Variants in PDZRN4 observed in about 807,000 individuals in gnomAD.
The protein encoded by PDZRN4 is PDZ domain-containing RING finger protein 4.
A neutral mutation model predicts 99.0 loss-of-function variants in PDZRN4; 70 were observed. That is an observed-to-expected ratio of 0.71 (90% confidence interval 0.58 to 0.86). The LOEUF is 0.86. PDZRN4 is among the 40% of genes least tolerant of loss of function. The pLI is 0.00. For synonymous variants in PDZRN4, 551 were observed against 501.6 expected, an observed-to-expected ratio of 1.10 and a Z score of -1.32; for missense variants, 1,474 against 1,331.2, an observed-to-expected ratio of 1.11 and a Z score of -1.67.
rs1215416826 is a variant in PDZRN4 at position 41,371,167 on chromosome 12, T to G, written c.844-135289T>G. 6.0e-5 allele frequency among the ~76,000 whole-genome samples: 9 copies of G among 149,780 alleles called. No homozygotes were observed. The Admixed American group carries it at 6.0e-4, about 10-fold the overall frequency. On this transcript the variant is annotated intron_variant, in intron 3 of 9. Transcript: ENST00000402685. ...ATATCCTATATATATTAACTATTAT[T>G]CTAGATTGATTTTTTTAAGTTGGCA...
chr12:41,419,296 A>G (rs1238725225), intron 3 of PDZRN4, among the ~76,000 whole-genome samples: 1 of 152,170 alleles, frequency 6.6e-6, no homozygotes, highest in Non-Finnish European at 1.5e-5. Flanking sequence ...AAGTACCTGT[A>G]CAATAGTGTA....
intron 3 of PDZRN4, among the ~76,000 whole-genome samples, chr12:41,424,082 T>C (rs909625340): frequency 3.3e-5 from 5 of 152,194 alleles, no homozygotes; most frequent in Admixed American, 3.3e-4. Flanking sequence ...ATAAATGCTG[T>C]CCATTCTATG....
chr12:41,419,897 G>A (rs1283622379), intron 3 of PDZRN4, among the ~76,000 whole-genome samples: 1 of 152,122 alleles, frequency 6.6e-6, no homozygotes, highest in Non-Finnish European at 1.5e-5. Context: ...CAATTGTTTT[G>A]CATATGCTTG....
chr12:41,284,752 T>C (rs755312897), intron 3 of PDZRN4, among the ~76,000 whole-genome samples: 6 of 152,176 alleles, frequency 3.9e-5, no homozygotes, highest in Non-Finnish European at 7.3e-5. Context: ...AAATAAGCAT[T>C]AGGGAAAGGA....
chr12:41,404,194 G>A (rs548942918), intron 3 of PDZRN4, among the ~76,000 whole-genome samples: 6 of 150,888 alleles, frequency 4.0e-5, no homozygotes, highest in East Asian at 1.9e-4. Context: ...AAATATTTTC[G>A]ATCTGCGGTT....
At chr12:41,255,422 GT>G (rs995655348) in intron 3 of PDZRN4, among the ~76,000 whole-genome samples, 3 of 151,318 alleles carry the variant, frequency 2.0e-5, no homozygotes, top group African/African-American at 4.9e-5. Context: ...TGTTTTTTTT[GT>G]TTTTTTTGTT....
At chr12:41,348,971 A>T (rs1951873380) in intron 3 of PDZRN4, among the ~76,000 whole-genome samples, 1 of 151,998 alleles carries the variant, frequency 6.6e-6, no homozygotes, top group African/African-American at 2.4e-5. Flanking sequence ...TTTCATATAA[A>T]TATTTTATTC....
intron 3 of PDZRN4, among the ~76,000 whole-genome samples, chr12:41,342,772 G>C (rs1951827279): frequency 6.6e-6 from 1 of 151,834 alleles, no homozygotes. Flanking sequence ...TTGTAAATTA[G>C]TGCAGCCACT....
chr12:41,264,001 T>A (rs1393088097), intron 3 of PDZRN4, among the ~76,000 whole-genome samples: 1 of 152,190 alleles, frequency 6.6e-6, no homozygotes. Flanking sequence ...CTTAACTTTT[T>A]GTCCTTTCAA....
In PDZRN4 at chr12:41,189,092, G is replaced by A; in HGVS notation, c.637G>A (p.Gly213Ser). ...CAACTTCGTCGGCGACCTCGGTGGCGGCCACCGCAGGGTAAGCAAAGGGGG... is the reference window on the plus strand; with the variant it reads ...CAACTTCGTCGGCGACCTCGGTGGCAGCCACCGCAGGGTAAGCAAAGGGGG... Reference protein sequence around the residue: ...VRNFVGDLGGGHRRDGEHKPF... With the variant: ...VRNFVGDLGGSHRRDGEHKPF... The change falls in exon 1 of 10, where the codon GGC (glycine) becomes AGC (serine). Residue 213 changes from glycine to serine, a missense_variant. Coordinates refer to ENST00000402685, the MANE Select transcript of PDZRN4 (RefSeq NM_001164595.2). The A allele has an allele frequency of 6.3e-7, 1 of 1,580,862 alleles. No homozygotes were observed. The highest frequency in any genetic ancestry group is 8.5e-7 in the Non-Finnish European group (1 of 1,171,730).
Position 41,573,668 on chromosome 12 carries a change from G to C in PDZRN4, c.2889G>C (p.Met963Ile), listed in dbSNP as rs1389858970. The C allele has an allele frequency of 6.2e-7, 1 of 1,613,956 alleles. No homozygotes were observed. The highest frequency in any genetic ancestry group is 1.3e-5 in the African/African-American group (1 of 74,914). ...AKEQRRRREF[M>I]MRSRLECLKE... Reference sequence around the variant, plus strand: ...AGCAGCGCCGTCGCCGTGAGTTCATGATGCGAAGCAGGTTAGAGTGTCTCA... The same window carrying C: ...AGCAGCGCCGTCGCCGTGAGTTCATCATGCGAAGCAGGTTAGAGTGTCTCA... Residue 963 changes from methionine to isoleucine, a missense_variant, in exon 10 of 10, where the codon ATG (methionine) becomes ATC (isoleucine). Transcript: ENST00000402685.
At chr12:41,434,236 G>A (rs1347141573) in intron 3 of PDZRN4, among the ~76,000 whole-genome samples, 2 of 152,110 alleles carry the variant, frequency 1.3e-5, no homozygotes, top group Non-Finnish European at 2.9e-5. Flanking sequence ...CTCACAGTCT[G>A]AATTTAGCTG....
At chr12:41,296,458 T>C (rs1446736697) in intron 3 of PDZRN4, among the ~76,000 whole-genome samples, 1 of 152,108 alleles carries the variant, frequency 6.6e-6, no homozygotes, top group African/African-American at 2.4e-5. Flanking sequence ...TAAAGGTACT[T>C]TGAGAAAGTT....
At chr12:41,238,180 C>T (rs1389932298) in intron 3 of PDZRN4, among the ~76,000 whole-genome samples, 1 of 151,942 alleles carries the variant, frequency 6.6e-6, no homozygotes, top group African/African-American at 2.4e-5. Context: ...TGAAGAGGGC[C>T]TTCACTTTCC....
intron 3 of PDZRN4, among the ~76,000 whole-genome samples, chr12:41,199,025 T>C (rs1185435861): frequency 6.6e-6 from 1 of 152,180 alleles, no homozygotes; most frequent in African/African-American, 2.4e-5. Flanking sequence ...AGAATGCAGC[T>C]GTTAAAGCAG....
rs554906013 is a variant in PDZRN4, at chr12:41,370,732, T to C, written c.844-135724T>C. On this transcript the variant is annotated intron_variant, in intron 3 of 9. Coordinates refer to ENST00000402685, the MANE Select transcript of PDZRN4 (RefSeq NM_001164595.2). ...ACCATGCATATCTTGGTCTTCATAA[T>C]TACCTGCTTTTAATCACTCTGGATT... Among the ~76,000 whole-genome samples, 8 of 152,110 alleles carry C rather than the reference T, an allele frequency of 5.3e-5. No individual in the cohort carries two copies. The South Asian group carries it at 1.5e-3, about 28-fold the overall frequency.
chr12:41,489,962 A>G (rs1592081866), intron 3 of PDZRN4, among the ~76,000 whole-genome samples: 1 of 152,116 alleles, frequency 6.6e-6, no homozygotes, highest in East Asian at 1.9e-4. Context: ...TAAATTAACA[A>G]CCATTTCCTA....
At chr12:41,503,208 T>C (rs542140748) in intron 3 of PDZRN4, among the ~76,000 whole-genome samples, 1 of 152,286 alleles carries the variant, frequency 6.6e-6, no homozygotes, top group South Asian at 2.1e-4. Flanking sequence ...GTCATAGACT[T>C]CTTTACTTTG....
rs374522636 is a variant in PDZRN4, at chr12:41,512,462, C to T, written c.1203+2549C>T. 4.6e-5 allele frequency among the ~76,000 whole-genome samples: 7 copies of T among 152,062 alleles called. No homozygotes were observed. In the Middle Eastern group the frequency reaches 0.01, roughly 223 times the overall value. The stretch of plus-strand genomic sequence containing the variant: ...ATCTAGCCATGTGAAAGGAGATTTT[C>T]AGAAAGAAGGAAGGGCAGGGGCAAA... On this transcript the variant is annotated intron_variant, in intron 5 of 9. Coordinates refer to ENST00000402685, the MANE Select transcript of PDZRN4 (RefSeq NM_001164595.2).
Sources: allele counts gnomAD v4.1 joint callset (sites outside exome capture counted in the v4.1 genomes callset), GRCh38; gene constraint gnomAD v4.1.1; transcripts MANE v1.5; gene names NCBI Gene and HGNC (gene_info 2026-07-23, HGNC 2026-07-21).